Variants in PTPRR observed in about 807,000 individuals in gnomAD.
PTPRR encodes protein tyrosine phosphatase receptor type R.
In PTPRR, 38 loss-of-function variants were observed where a neutral mutation model predicts 77.2. The observed-to-expected ratio is 0.49, with a 90% CI of 0.38 to 0.65. The LOEUF is 0.65. Among genes scored for constraint, PTPRR ranks in the 30% least tolerant of loss-of-function variants. PTPRR has a pLI of 0.00. For missense variants in PTPRR, 744 were observed against 799.2 expected (o/e 0.93, Z 0.83); for synonymous variants, 299 against 283.1 (o/e 1.06, Z -0.57).
intron 2 of PTPRR, among the ~76,000 whole-genome samples, chr12:70,854,318 C>G (rs891612729): frequency 6.6e-6 from 1 of 152,138 alleles, no homozygotes; most frequent in African/African-American, 2.4e-5. Context: ...GCTGTTCCTG[C>G]CAATGTACTA....
chr12:70,650,070 G>A (rs1592633958), intron 13 of PTPRR, among the ~76,000 whole-genome samples: 1 of 152,192 alleles, frequency 6.6e-6, no homozygotes, highest in South Asian at 2.1e-4. Context: ...AATTAAAGGA[G>A]TTTCTACATT....
At chr12:70,689,437 A>G (rs1303567559) in intron 8 of PTPRR, among the ~76,000 whole-genome samples, 1 of 152,146 alleles carries the variant, frequency 6.6e-6, no homozygotes, top group Non-Finnish European at 1.5e-5. Flanking sequence ...CATAAAATCT[A>G]TTACACCCTT....
At chr12:70,651,873 C>T (rs922660474) in intron 13 of PTPRR, among the ~76,000 whole-genome samples, 12 of 151,008 alleles carry the variant, frequency 7.9e-5, no homozygotes, top group South Asian at 6.3e-4. Flanking sequence ...ACAAGTTACT[C>T]GCTATCTCGA....
chr12:70,882,806 C>T (rs895308077), intron 2 of PTPRR, among the ~76,000 whole-genome samples: 3 of 152,168 alleles, frequency 2.0e-5, no homozygotes, highest in African/African-American at 7.2e-5. Flanking sequence ...GTTATATTAA[C>T]GAGTTACTTT....
At chr12:70,720,291 C>G (rs1358184708) in intron 6 of PTPRR, among the ~76,000 whole-genome samples, 2 of 152,058 alleles carry the variant, frequency 1.3e-5, no homozygotes, top group Non-Finnish European at 2.9e-5. Flanking sequence ...TGCTTGAATG[C>G]CTGTGTCTCC....
intron 1 of PTPRR, among the ~76,000 whole-genome samples, chr12:70,894,082 T>A (rs576848661): frequency 8.8e-4 from 133 of 151,944 alleles, no homozygotes; most frequent in African/African-American, 2.9e-3. Flanking sequence ...ATCTGTTTTA[T>A]AACATAGTCC....
At chr12:70,784,003 C>G (rs1891265806) in intron 2 of PTPRR, among the ~76,000 whole-genome samples, 4 of 152,236 alleles carry the variant, frequency 2.6e-5, no homozygotes, top group African/African-American at 9.6e-5. Context: ...AGGGAGAAGC[C>G]CGGCAACAGA....
intron 6 of PTPRR, among the ~76,000 whole-genome samples, chr12:70,710,308 C>T (rs1193359396): frequency 1.3e-5 from 2 of 152,110 alleles, no homozygotes; most frequent in Non-Finnish European, 2.9e-5. Context: ...GGAAAGTATT[C>T]CCTATTCAGT....
chr12:70,833,188 G>A (rs1267462608), intron 2 of PTPRR, among the ~76,000 whole-genome samples: 1 of 152,078 alleles, frequency 6.6e-6, no homozygotes, highest in African/African-American at 2.4e-5. Context: ...GAGGGGAGAT[G>A]GACTTTAGAG....
chr12:70,839,039 C>T (rs1166488278), intron 2 of PTPRR, among the ~76,000 whole-genome samples: 1 of 152,120 alleles, frequency 6.6e-6, no homozygotes, highest in Non-Finnish European at 1.5e-5. Flanking sequence ...CATACACCTT[C>T]CTGCATACCT....
intron 4 of PTPRR, among the ~76,000 whole-genome samples, chr12:70,760,032 A>T (rs1890657601): frequency 6.6e-6 from 1 of 152,182 alleles, no homozygotes; most frequent in Non-Finnish European, 1.5e-5. Flanking sequence ...GCAAAACCAA[A>T]TGCAGGAAGA....
chr12:70,905,758 A>T (rs1259754688), intron 1 of PTPRR, among the ~76,000 whole-genome samples: 1 of 152,014 alleles, frequency 6.6e-6, no homozygotes, highest in Non-Finnish European at 1.5e-5. Context: ...AAATCCTCGC[A>T]TTGCAAGTAC....
At chr12:70,653,504 T>G (rs1283709786) in intron 13 of PTPRR, among the ~76,000 whole-genome samples, 1 of 152,190 alleles carries the variant, frequency 6.6e-6, no homozygotes, top group African/African-American at 2.4e-5. Flanking sequence ...CAATGTAGGC[T>G]GAGTGTTCTA....
At chr12:70,920,281 G>T (rs373379827) in intron 1 of PTPRR, 52 bp downstream of exon 1, 1 of 1,560,046 alleles carries the variant, frequency 6.4e-7, no homozygotes. Context: ...TTAAGCATGT[G>T]CAGTTTCCCA....
intron 2 of PTPRR, among the ~76,000 whole-genome samples, chr12:70,862,987 G>A (rs568125086): frequency 6.6e-6 from 1 of 152,234 alleles, no homozygotes; most frequent in African/African-American, 2.4e-5. Context: ...AAAGGAAGAA[G>A]GAAACTGGAT....
chr12:70,669,154 C>G (rs1414185058), intron 10 of PTPRR, among the ~76,000 whole-genome samples: 1 of 152,088 alleles, frequency 6.6e-6, no homozygotes, highest in Admixed American at 6.6e-5. Context: ...TGTCTTTACA[C>G]CAATGCTGTA....
intron 13 of PTPRR, among the ~76,000 whole-genome samples, chr12:70,652,983 G>A (rs1258822984): frequency 6.6e-6 from 1 of 152,188 alleles, no homozygotes; most frequent in African/African-American, 2.4e-5. Flanking sequence ...CTGTTTTTCA[G>A]CACGTTCTTC....
intron 2 of PTPRR, among the ~76,000 whole-genome samples, chr12:70,874,791 G>C (rs143377683): frequency 6.6e-6 from 1 of 151,584 alleles, no homozygotes; most frequent in African/African-American, 2.4e-5. Flanking sequence ...GCGTGGTGGC[G>C]TGCACCTATA....
At chr12:70,659,141 G>C (rs1410579162) in intron 12 of PTPRR, among the ~76,000 whole-genome samples, 2 of 151,902 alleles carry the variant, frequency 1.3e-5, no homozygotes, top group East Asian at 3.9e-4. Context: ...GACCTCAAGT[G>C]ATCTGCCTGC....
Sources: gnomAD v4.1 joint callset for allele counts (sites outside exome capture counted in the v4.1 genomes callset) on GRCh38, gnomAD v4.1.1 for gene constraint, MANE v1.5 for transcripts, NCBI Gene and HGNC (gene_info 2026-07-23, HGNC 2026-07-21) for gene names.